The following SLC35D4 variants were observed in gnomAD, a reference collection of about 807,000 sequenced individuals.
SLC35D4 encodes the protein UDP-N-acetylglucosamine transporter SLC35D4.
the SLC35D4 span, among the ~76,000 whole-genome samples, chr18:23,436,621 C>T: frequency 1.3e-5 from 2 of 151,838 alleles, no homozygotes; most frequent in East Asian, 2.0e-4. Flanking sequence ...GGTGAAACCC[C>T]GTCTCTACTA....
chr18:23,248,126 G>T, the SLC35D4 span, among the ~76,000 whole-genome samples: 1 of 152,258 alleles, frequency 6.6e-6, no homozygotes, highest in Admixed American at 6.5e-5. Flanking sequence ...CTCCAGAGCC[G>T]CAGGCTGAGC....
chr18:23,315,254 G>A, the SLC35D4 span, among the ~76,000 whole-genome samples: 49,992 of 151,978 alleles, frequency 0.33, 9,507 homozygotes, highest in Non-Finnish European at 0.43. Flanking sequence ...TCTTGCTTTT[G>A]CTCAGCAAGT....
the SLC35D4 span, among the ~76,000 whole-genome samples, chr18:23,380,584 G>A: frequency 2.6e-5 from 4 of 152,158 alleles, no homozygotes; most frequent in Non-Finnish European, 4.4e-5. Flanking sequence ...CCAACTCTGC[G>A]TTAAGGCTAA....
the SLC35D4 span, chr18:23,252,860 C>T: frequency 1.6e-5 from 12 of 739,780 alleles, no homozygotes; most frequent in Non-Finnish European, 2.6e-5. Flanking sequence ...TTTCCCGTTG[C>T]TCATGGCTTT....
At chr18:23,320,874 G>A in the SLC35D4 span, among the ~76,000 whole-genome samples, 29,621 of 152,058 alleles carry the variant, frequency 0.19, 3,984 homozygotes, top group African/African-American at 0.37. Flanking sequence ...TTTAGGGGAA[G>A]ACTTGTGCTT....
At chr18:23,247,626 A>C in the SLC35D4 span, among the ~76,000 whole-genome samples, 1 of 152,200 alleles carries the variant, frequency 6.6e-6, no homozygotes, top group Non-Finnish European at 1.5e-5. Flanking sequence ...GGAGGCACAG[A>C]GCTCCTAACC....
chr18:23,389,981 A>C, the SLC35D4 span, among the ~76,000 whole-genome samples: 1 of 152,342 alleles, frequency 6.6e-6, no homozygotes, highest in Middle Eastern at 3.4e-3. Context: ...TAAGGAGTCA[A>C]GTTCAGCAGG....
chr18:23,414,582 A>T, the SLC35D4 span, among the ~76,000 whole-genome samples: 2 of 151,594 alleles, frequency 1.3e-5, no homozygotes, highest in African/African-American at 4.8e-5. Flanking sequence ...CTGAGGCAAG[A>T]GAGTCGCTTG....
chr18:23,386,124 CAAAAAAAAAA>C, the SLC35D4 span, among the ~76,000 whole-genome samples: 1 of 41,132 alleles, frequency 2.4e-5, no homozygotes, highest in Non-Finnish European at 5.0e-5. Context: ...GACTCTGTCT[CAAAAAAAAAA>C]AAAAAAAAAA....
chr18:23,300,435 G>A, the SLC35D4 span, among the ~76,000 whole-genome samples: 744 of 152,212 alleles, frequency 4.9e-3, 6 homozygotes, highest in Non-Finnish European at 6.2e-3. Flanking sequence ...TTAATCACCA[G>A]GGAGAAAACC....
chr18:23,411,452 TAAAG>T, the SLC35D4 span, among the ~76,000 whole-genome samples: 10 of 92,874 alleles, frequency 1.1e-4, no homozygotes, highest in East Asian at 6.0e-4. Context: ...AAAAGAAGGA[TAAAG>T]AAAGAAAGAA....
chr18:23,425,604 C>T, the SLC35D4 span, among the ~76,000 whole-genome samples: 1,917 of 152,302 alleles, frequency 0.013, 22 homozygotes, highest in Non-Finnish European at 0.018. Context: ...TCACCACTTG[C>T]TGCTACTGCC....
chr18:23,427,292 A>G, the SLC35D4 span, among the ~76,000 whole-genome samples: 3 of 152,242 alleles, frequency 2.0e-5, no homozygotes, highest in African/African-American at 4.8e-5. Flanking sequence ...TAATATCCAG[A>G]ATCTACAAAG....
chr18:23,317,415 G>C, the SLC35D4 span, among the ~76,000 whole-genome samples: 6 of 152,124 alleles, frequency 3.9e-5, no homozygotes, highest in Non-Finnish European at 8.8e-5. Flanking sequence ...AAGGCATCAT[G>C]ATCACTATCT....
chr18:23,421,814 T>C, the SLC35D4 span, among the ~76,000 whole-genome samples: 10 of 152,018 alleles, frequency 6.6e-5, no homozygotes, highest in African/African-American at 2.4e-4. Flanking sequence ...GTAGCTGGGA[T>C]TACAGGTGCG....
the SLC35D4 span, among the ~76,000 whole-genome samples, chr18:23,241,079 C>T: frequency 1.3e-5 from 2 of 152,222 alleles, no homozygotes; most frequent in Admixed American, 6.5e-5. Flanking sequence ...TTACTATTCT[C>T]ACTTCTGTCA....
At chr18:23,248,760 G>A in the SLC35D4 span, among the ~76,000 whole-genome samples, 3 of 152,122 alleles carry the variant, frequency 2.0e-5, no homozygotes, top group Admixed American at 6.5e-5. Context: ...AGGAGGCAGG[G>A]TGTGCAGTGA....
At chr18:23,381,808 A>C in the SLC35D4 span, among the ~76,000 whole-genome samples, 1 of 152,234 alleles carries the variant, frequency 6.6e-6, no homozygotes, top group Non-Finnish European at 1.5e-5. Flanking sequence ...TCTAACCCTC[A>C]GTCCTACCGT....
chr18:23,319,497 C>A, the SLC35D4 span, among the ~76,000 whole-genome samples: 2 of 151,046 alleles, frequency 1.3e-5, no homozygotes, highest in Non-Finnish European at 3.0e-5. Flanking sequence ...AGGCTGGAGT[C>A]CAATGGTGCG....
Sources: allele counts gnomAD v4.1 joint callset (sites outside exome capture counted in the v4.1 genomes callset), GRCh38; gene constraint gnomAD v4.1.1; transcripts MANE v1.5; gene names NCBI Gene and HGNC (gene_info 2026-07-23, HGNC 2026-07-21).